SRCAP: variants seen among roughly 807,000 people sequenced by gnomAD.
SRCAP encodes Snf2 related CREBBP activator protein, also known as chromatin remodeling protein SRCAP.
In SRCAP, 46 loss-of-function variants were observed where a neutral mutation model predicts 263.1. That is an observed-to-expected ratio of 0.17 (90% CI 0.14 to 0.22). The LOEUF (loss-of-function observed/expected upper bound fraction) is 0.22, where lower values mean the gene tolerates loss of function less well. Among genes scored for constraint, SRCAP ranks in the 10% least tolerant of loss-of-function variants. The pLI is 1.00. For missense variants in SRCAP, 3,695 were observed against 4,181.9 expected (o/e 0.88, Z 3.21); for synonymous variants, 1,813 against 1,662.1 (o/e 1.09, Z -2.21).
chr16:30,700,451 C>G (rs145102978), intron 2 of SRCAP, among the ~76,000 whole-genome samples, 165 bp from the exon 3 acceptor site: 1 of 152,210 alleles, frequency 6.6e-6, no homozygotes, highest in South Asian at 2.1e-4. Flanking sequence ...TAGAACACAT[C>G]AAACAGGTAC....
In SRCAP at chr16:30,739,231, C is replaced by A; in HGVS notation, c.9191C>A (p.Thr3064Asn). The change falls in exon 34 of 34, where the codon ACC (threonine) becomes AAC (asparagine). Residue 3064 changes from threonine (T) to asparagine (N), a missense_variant. By Grantham distance (65) the Thr-to-Asn change is moderately conservative (BLOSUM62 0). Around this residue, in one of 12 missense-constraint regions of SRCAP, gnomAD observed 1,207 missense variants for 1,142.9 expected, o/e 1.06. Coordinates refer to ENST00000262518, the MANE Select transcript of SRCAP (RefSeq NM_006662.3). Reference protein sequence around the residue: ...SSDEDGSRPLTRLARLRLEAE... With the variant: ...SSDEDGSRPLNRLARLRLEAE... The stretch of plus-strand genomic sequence containing the variant: ...GATGAGGATGGAAGCCGCCCCCTCA[C>A]CCGCCTGGCCCGCCTTCGGCTTGAA... The A allele has an allele frequency of 6.2e-7, 1 of 1,613,388 alleles. No individual in the cohort carries two copies. Among genetic ancestry groups the A allele is most frequent in the South Asian group, 1.1e-5 (1 of 91,092 alleles).
chr16:30,730,442 T>A (rs901419575), intron 27 of SRCAP, among the ~76,000 whole-genome samples: 27 of 152,014 alleles, frequency 1.8e-4, no homozygotes, highest in African/African-American at 6.3e-4. Context: ...CTTTCTTTCT[T>A]TTTTTTTCAG....
rs1430339222 is a variant in SRCAP at position 30,739,772 on chromosome 16, C to G, written c.*39C>G. On this transcript the variant is annotated 3_prime_UTR_variant, in exon 34 of 34. Coordinates refer to ENST00000262518, the MANE Select transcript of SRCAP (RefSeq NM_006662.3). Reference sequence around the variant, plus strand: ...CCACCTAGGCTTTCCACCGTGGCCACTCCCTCCATGACCAGGCCTGACTCT... The same window carrying G: ...CCACCTAGGCTTTCCACCGTGGCCAGTCCCTCCATGACCAGGCCTGACTCT... 2 of 1,451,208 alleles carry G rather than the reference C, an allele frequency of 1.4e-6. No homozygotes were observed. The highest frequency in any genetic ancestry group is 9.1e-7 in the Non-Finnish European group (1 of 1,100,118). The allele number at this position is 1,451,208 out of a possible 1,614,324, so 89.9% of individuals were successfully genotyped here.
At chr16:30,736,936 A>T (rs781483878) in intron 33 of SRCAP, 113 bp from the exon 34 acceptor site, 3 of 1,232,872 alleles carry the variant, frequency 2.4e-6, no homozygotes, top group Non-Finnish European at 3.4e-6. Context: ...AACTTCCCCA[A>T]GTGCTGGAAT....
chr16:30,737,687 T>G lies in SRCAP; in HGVS notation c.7647T>G (p.Pro2549=), dbSNP rs780101212. ...SVTNLPLGLR[P]EAELCAQALA... ...CTAATCTCCCCTTGGGCTTGAGGCC[T>G]GAGGCAGAGCTGTGTGCCCAGGCAT... is the stretch of plus-strand genomic sequence containing the variant. The change falls in exon 34 of 34, where the codon CCT becomes CCG. Residue 2549 remains proline (P), a synonymous_variant. Coordinates refer to ENST00000262518, the MANE Select transcript of SRCAP (RefSeq NM_006662.3). 1 of 1,614,194 alleles carries G rather than the reference T, an allele frequency of 6.2e-7. No homozygotes were observed. Among genetic ancestry groups the G allele is most frequent in the African/African-American group, 1.3e-5 (1 of 75,054 alleles).
Position 30,723,062 on chromosome 16 carries a change from C to A in SRCAP, c.3992C>A (p.Pro1331His). The change falls in exon 24 of 34, where the codon CCC (proline) becomes CAC (histidine). Residue 1331 changes from proline (P) to histidine (H), a missense_variant. Physicochemically the swap from Pro to His is moderately conservative, Grantham distance 77 (BLOSUM62 -2). Around this residue, in one of 12 missense-constraint regions of SRCAP, gnomAD observed 1,347 missense variants for 1,304.4 expected, o/e 1.03. Transcript: ENST00000262518. The part of the protein sequence containing the change: ...LTPVPPLAPA[P>H]RPPSSGLPAV... ...CCTGTTCCTCCATTGGCCCCAGCAC[C>A]CCGGCCTCCGAGCTCTGGGCTTCCA... 6.2e-7 allele frequency: 1 copy of A among 1,614,100 alleles called. No homozygotes were observed. The highest frequency in any genetic ancestry group is 8.5e-7 in the Non-Finnish European group (1 of 1,180,024).
rs182320569 is a variant in SRCAP, at chr16:30,736,468, G to T, written c.6925-73G>T. ...TGTGACCCTCCTTTTGTCTTCCCTG[G>T]TGGGAATAAATAAGGGTGGTGGGGC... On this transcript the variant is annotated intron_variant, in intron 32 of 33. Transcript: ENST00000262518. 1.2e-5 allele frequency: 19 copies of T among 1,610,134 alleles called. No homozygotes were observed. In the East Asian group the frequency reaches 4.2e-4, roughly 36 times the overall value.
intron 3 of SRCAP, among the ~76,000 whole-genome samples, chr16:30,703,560 G>A (rs2052792803): frequency 6.6e-6 from 1 of 151,782 alleles, no homozygotes; most frequent in South Asian, 2.1e-4. Context: ...TGCATGTCAA[G>A]CATCTATAAA....
Position 30,724,091 on chromosome 16 carries a change from C to G in SRCAP, c.4667C>G (p.Ala1556Gly), listed in dbSNP as rs764913776. 1.2e-6 allele frequency: 2 copies of G among 1,613,630 alleles called. No homozygotes were observed. The highest frequency in any genetic ancestry group is 1.7e-6 in the Non-Finnish European group (2 of 1,180,026). The change falls in exon 25 of 34, where the codon GCC becomes GGC. Residue 1556 changes from alanine (A) to glycine (G), a missense_variant. By Grantham distance (60) the Ala-to-Gly change is moderately conservative. Around this residue, in one of 12 missense-constraint regions of SRCAP, gnomAD observed 1,347 missense variants for 1,304.4 expected, o/e 1.03. Transcript: ENST00000262518. ...GTCCTGGTGCCAGCTTCGGCTCTGG[C>G]CAGTCCTTTTCCGTCAGCACCAAAT... ...SPVLVPASAL[A>G]SPFPSAPNPA... is the part of the protein sequence containing the mutation.
intron 3 of SRCAP, among the ~76,000 whole-genome samples, chr16:30,701,921 C>T (rs2052771274): frequency 2.0e-5 from 3 of 151,296 alleles, no homozygotes; most frequent in South Asian, 4.2e-4. Flanking sequence ...TGTGAGCCCC[C>T]AGGCCTGGCC....
Position 30,704,261 on chromosome 16 carries a change from C to G in SRCAP, c.252C>G (p.Asn84Lys). 1 of 1,613,980 alleles carries G rather than the reference C, an allele frequency of 6.2e-7. No homozygotes were observed. The highest frequency in any genetic ancestry group is 8.5e-7 in the Non-Finnish European group (1 of 1,179,854). The change falls in exon 4 of 34, where the codon AAC (asparagine) becomes AAG (lysine). Residue 84 changes from asparagine (N) to lysine (K), a missense_variant. Physicochemically the swap from Asn to Lys is moderately conservative, Grantham distance 94 (BLOSUM62 0). Transcript: ENST00000262518. ...TATCCCAGGCTGCTGACCTGGCTAA[C>G]AAGGGCCCGAAGTGGGAGAAGAGCC... ...FSLSQAADLA[N>K]KGPKWEKSHA...
intron 25 of SRCAP, among the ~76,000 whole-genome samples, chr16:30,728,174 A>G (rs936271599): frequency 3.9e-5 from 6 of 152,198 alleles, no homozygotes; most frequent in African/African-American, 1.4e-4. Flanking sequence ...CTTGGGGTCT[A>G]GTCTCCCTCA....
At chr16:30,702,595 C>T (rs1348940459) in intron 3 of SRCAP, among the ~76,000 whole-genome samples, 2 of 117,136 alleles carry the variant, frequency 1.7e-5, no homozygotes, top group African/African-American at 6.5e-5. Context: ...CCCTTCCCTG[C>T]CTTCCCTCCC....
At position 30,733,225 on chromosome 16, in the gene SRCAP, A is replaced by G. The variant is rs2053129795; in HGVS notation, c.6128-55A>G. 2 of 1,585,508 alleles carry G rather than the reference A, an allele frequency of 1.3e-6. No homozygotes were observed. The highest frequency in any genetic ancestry group is 1.7e-6 in the Non-Finnish European group (2 of 1,164,526). ...CAACCCCAGCCTTGCATTGCTAAGC[A>G]TTCTACCCATTGCGGCTTGTAGCTA... On this transcript the variant is annotated intron_variant, in intron 27 of 33. Coordinates refer to ENST00000262518, the MANE Select transcript of SRCAP (RefSeq NM_006662.3). This position sits in a 1 kb window ranked among gnomAD's most constrained non-coding sequence, Gnocchi z 5.3.
intron 27 of SRCAP, among the ~76,000 whole-genome samples, chr16:30,732,796 G>A (rs2053125851): frequency 6.6e-6 from 1 of 152,228 alleles, no homozygotes; most frequent in Non-Finnish European, 1.5e-5. Context: ...GACCGAAGAG[G>A]TGAAGCCCTT....
chr16:30,699,526 CTGTT>C (rs2052741941), intron 1 of SRCAP, among the ~76,000 whole-genome samples: 1 of 152,188 alleles, frequency 6.6e-6, no homozygotes, highest in South Asian at 2.1e-4. Flanking sequence ...TGTGACCAGC[CTGTT>C]TGTTGACTCT....
intron 20 of SRCAP, 87 bp from the exon 21 acceptor site, chr16:30,721,102 G>T: frequency 6.5e-7 from 1 of 1,534,004 alleles, no homozygotes; most frequent in Non-Finnish European, 8.8e-7. Flanking sequence ...AGTATTTGAT[G>T]GGTTGGAAGG....
chr16:30,713,619 C>T lies in SRCAP; in HGVS notation c.2401C>T (p.Arg801Cys), dbSNP rs573318039. 3.0e-5 allele frequency: 48 copies of T among 1,614,166 alleles called. 2 individuals are homozygous for T. In the South Asian group the frequency reaches 4.7e-4, roughly 16 times the overall value. ...GATGCCCCATGTCTTCCAGTCTCAT[C>T]GCGAGTTCAAGGAGTGGTTCTCTAA... is the stretch of plus-strand genomic sequence containing the variant. ...FLMPHVFQSH[R>C]EFKEWFSNPL... Residue 801 changes from arginine to cysteine, a missense_variant, in exon 16 of 34, where the codon CGC becomes TGC. Around this residue, in one of 12 missense-constraint regions of SRCAP, gnomAD observed 121 missense variants for 330.7 expected, o/e 0.37. Coordinates refer to ENST00000262518, the MANE Select transcript of SRCAP (RefSeq NM_006662.3).
At chr16:30,736,995 C>T in intron 33 of SRCAP, 54 bp from the exon 34 acceptor site, 1 of 1,515,338 alleles carries the variant, frequency 6.6e-7, no homozygotes, top group South Asian at 1.3e-5. Context: ...AATTTCTACT[C>T]ACTCTCTACT....
Sources: gnomAD v4.1 joint callset for allele counts (sites outside exome capture counted in the v4.1 genomes callset) on GRCh38, gnomAD v4.1.1 for gene constraint, gnomAD v4.1.1 regional missense constraint, Gnocchi (gnomAD v3.1) non-coding constraint, MANE v1.5 for transcripts, NCBI Gene and HGNC (gene_info 2026-07-23, HGNC 2026-07-21) for gene names.